The following VNN1 variants were observed in gnomAD, a reference collection of about 807,000 sequenced individuals.
VNN1 encodes the protein vanin 1.
A neutral mutation model predicts 41.9 loss-of-function variants in VNN1; 29 were observed. The observed-to-expected ratio is 0.69, with a 90% CI of 0.52 to 0.94. VNN1 has a LOEUF of 0.94. VNN1 is among the 40% of genes least tolerant of loss of function. VNN1 has a pLI of 0.00. For missense variants in VNN1, 637 were observed against 621.1 expected (o/e 1.03, Z -0.27); for synonymous variants, 233 against 224.4 (o/e 1.04, Z -0.34).
chr6:132,689,472 A>G (rs1413074104), intron 5 of VNN1, among the ~76,000 whole-genome samples: 2 of 152,202 alleles, frequency 1.3e-5, no homozygotes, highest in South Asian at 2.1e-4. Context: ...TGCCAAAATT[A>G]TACTCAAAAA....
intron 2 of VNN1, among the ~76,000 whole-genome samples, chr6:132,710,375 G>A (rs56823270): frequency 0.038 from 5,810 of 151,884 alleles, 192 homozygotes; most frequent in South Asian, 0.096. Flanking sequence ...TTTAATTTTA[G>A]TATTATTATT....
At chr6:132,708,743 C>T (rs751021610) in intron 2 of VNN1, among the ~76,000 whole-genome samples, 1 of 152,184 alleles carries the variant, frequency 6.6e-6, no homozygotes, top group Non-Finnish European at 1.5e-5. Flanking sequence ...GACCCATCAT[C>T]TCTATGCCAT....
intron 2 of VNN1, among the ~76,000 whole-genome samples, chr6:132,707,226 C>CA (rs61642987): frequency 0.21 from 29,058 of 137,454 alleles, 3,414 homozygotes; most frequent in East Asian, 0.37. Flanking sequence ...GGCTCTGTCT[C>CA]AAAAAAAAAA....
intron 2 of VNN1, among the ~76,000 whole-genome samples, chr6:132,706,479 A>G (rs1016593997): frequency 2.0e-5 from 3 of 152,200 alleles, no homozygotes; most frequent in African/African-American, 7.2e-5. Context: ...GTAGACCCCT[A>G]TCTCTCACCA....
intron 2 of VNN1, among the ~76,000 whole-genome samples, chr6:132,707,414 C>A (rs59566004): frequency 0.075 from 11,389 of 152,104 alleles, 952 homozygotes; most frequent in African/African-American, 0.21. Flanking sequence ...AATAGAGCCA[C>A]CATACGATCC....
intron 2 of VNN1, among the ~76,000 whole-genome samples, chr6:132,709,255 A>G (rs1470597043): frequency 6.8e-6 from 1 of 147,996 alleles, no homozygotes; most frequent in Non-Finnish European, 1.5e-5. Context: ...TAAAACATTT[A>G]TTACCTCCCC....
At chr6:132,700,314 A>AG (rs1303479522) in intron 2 of VNN1, among the ~76,000 whole-genome samples, 1 of 152,130 alleles carries the variant, frequency 6.6e-6, no homozygotes, top group Non-Finnish European at 1.5e-5. Flanking sequence ...TTTATTTAAA[A>AG]AAAAATTTTC....
intron 4 of VNN1, 93 bp downstream of exon 4, chr6:132,692,931 A>C: frequency 7.4e-7 from 1 of 1,355,748 alleles, no homozygotes. Context: ...AAAACATTGT[A>C]TTAAGGAGTA....
chr6:132,711,762 C>A lies in VNN1; in HGVS notation c.288G>T (p.Leu96Phe). Residue 96 changes from leucine to phenylalanine, a missense_variant, in exon 2 of 7, where the codon TTG (leucine) becomes TTT (phenylalanine). Coordinates refer to ENST00000367928, the MANE Select transcript of VNN1 (RefSeq NM_004666.3). ...NFNRDSLYPY[L>F]EDIPDPEVNW... ...TTACTTCAGGGTCTGGGATGTCCTC[C>A]AAATATGGGTAGAGAGAGTCCCTGT... 1.2e-6 allele frequency: 2 copies of A among 1,613,948 alleles called. No individual in the cohort carries two copies. The highest frequency in any genetic ancestry group is 1.7e-6 in the Non-Finnish European group (2 of 1,179,920).
chr6:132,692,675 T>G (rs1778310448), intron 4 of VNN1, 91 bp from the exon 5 acceptor site: 1 of 1,429,184 alleles, frequency 7.0e-7, no homozygotes, highest in Non-Finnish European at 9.2e-7. Context: ...CATATTCACA[T>G]TTTACTCTCT....
At chr6:132,700,859 G>T (rs1254326945) in intron 2 of VNN1, among the ~76,000 whole-genome samples, 1 of 151,686 alleles carries the variant, frequency 6.6e-6, no homozygotes, top group Admixed American at 6.6e-5. Flanking sequence ...TTTAAATAAG[G>T]TTATAGTAGC....
chr6:132,689,660 G>T (rs1477339479), intron 5 of VNN1, among the ~76,000 whole-genome samples: 1 of 152,058 alleles, frequency 6.6e-6, no homozygotes, highest in Non-Finnish European at 1.5e-5. Flanking sequence ...AGCTCCCAAA[G>T]GTTCTACTTT....
At chr6:132,702,247 G>A (rs1425840845) in intron 2 of VNN1, among the ~76,000 whole-genome samples, 3 of 152,194 alleles carry the variant, frequency 2.0e-5, no homozygotes, top group African/African-American at 7.2e-5. Flanking sequence ...GATTCTCATA[G>A]GAATGGAAGC....
Position 132,682,132 on chromosome 6 carries a change from C to T in VNN1, c.*1008G>A, listed in dbSNP as rs932988911. Reference sequence around the variant, plus strand: ...AAATATCTAATTTCTTAAAATGGGACTCTCTGGTTTTCTAATTCCAGAGGA... The same window carrying T: ...AAATATCTAATTTCTTAAAATGGGATTCTCTGGTTTTCTAATTCCAGAGGA... On this transcript the variant is annotated 3_prime_UTR_variant, in exon 7 of 7. Coordinates refer to ENST00000367928, the MANE Select transcript of VNN1 (RefSeq NM_004666.3). 1 of 152,198 alleles carries T rather than the reference C, an allele frequency of 6.6e-6. No homozygotes were observed. Among genetic ancestry groups the T allele is most frequent in the Non-Finnish European group, 1.5e-5 (1 of 68,028 alleles). The allele number at this position is 152,198 out of a possible 1,614,324, so 9.4% of individuals were successfully genotyped here.
rs1778123667 is a variant in VNN1, at chr6:132,681,636, T to G, written c.*1504A>C. On this transcript the variant is annotated 3_prime_UTR_variant, in exon 7 of 7. Transcript: ENST00000367928. ...TTCAAGCCTATCACCAACACATCAA[T>G]ATGTTTTCTGTTTTACATTGAAATT... 1 of 152,600 alleles carries G rather than the reference T, an allele frequency of 6.6e-6. No homozygotes were observed. Among genetic ancestry groups the G allele is most frequent in the African/African-American group, 2.4e-5 (1 of 41,462 alleles). 9.5% of individuals were successfully genotyped at this position (152,600 alleles called of 1,614,324 possible).
At chr6:132,685,174 A>G (rs1289470202) in intron 5 of VNN1, among the ~76,000 whole-genome samples, 1 of 152,246 alleles carries the variant, frequency 6.6e-6, no homozygotes, top group Non-Finnish European at 1.5e-5. Context: ...GCAAGAACTG[A>G]AACACTTCTC....
In VNN1 at chr6:132,692,482, T is replaced by A; in HGVS notation, c.929A>T (p.His310Leu). ...GGAAGTCCAGTTCACCACTGCAGAA[T>A]GGGATGGGTGGGAATCCAGTTGCGA... ...LLSQLDSHPS[H>L]SAVVNWTSYA... Residue 310 changes from histidine to leucine, a missense_variant, in exon 5 of 7, where the codon CAT becomes CTT. Coordinates refer to ENST00000367928, the MANE Select transcript of VNN1 (RefSeq NM_004666.3). The A allele has an allele frequency of 6.2e-7, 1 of 1,613,940 alleles. No homozygotes were observed. Among genetic ancestry groups the A allele is most frequent in the Non-Finnish European group, 8.5e-7 (1 of 1,180,012 alleles).
At chr6:132,706,113 A>G (rs112818974) in intron 2 of VNN1, among the ~76,000 whole-genome samples, 1 of 152,170 alleles carries the variant, frequency 6.6e-6, no homozygotes, top group Non-Finnish European at 1.5e-5. Flanking sequence ...ATTCAATGCA[A>G]TCTCCATCAA....
intron 5 of VNN1, among the ~76,000 whole-genome samples, chr6:132,687,594 G>C (rs1243396037): frequency 6.6e-6 from 1 of 152,082 alleles, no homozygotes; most frequent in Non-Finnish European, 1.5e-5. Flanking sequence ...AGCAAATAAA[G>C]GTAGAAGGAG....
Sources: allele counts gnomAD v4.1 joint callset (sites outside exome capture counted in the v4.1 genomes callset), GRCh38; gene constraint gnomAD v4.1.1; transcripts MANE v1.5; gene names NCBI Gene and HGNC (gene_info 2026-07-23, HGNC 2026-07-21).